UBE2D4: variants seen among roughly 807,000 people sequenced by gnomAD.
The protein encoded by UBE2D4 is ubiquitin-conjugating enzyme E2 D4.
Under a neutral mutation model 23.0 loss-of-function variants are expected in UBE2D4, and 17 were observed. That is an observed-to-expected ratio of 0.74 (90% CI 0.51 to 1.11). The LOEUF is 1.11. Ranked by LOEUF, UBE2D4 falls within the 50% of genes least tolerant of loss-of-function variation. The pLI is 0.00. For synonymous variants in UBE2D4, 61 were observed against 69.4 expected, an observed-to-expected ratio of 0.88 and a Z score of 0.60; for missense variants, 139 against 181.8, an observed-to-expected ratio of 0.76 and a Z score of 1.35.
At chr7:43,938,042 C>G (rs566381595) in intron 1 of UBE2D4, among the ~76,000 whole-genome samples, 2 of 152,232 alleles carry the variant, frequency 1.3e-5, no homozygotes, top group South Asian at 4.1e-4. Flanking sequence ...CCAGAACTCT[C>G]TCCTGGGCTG....
intron 1 of UBE2D4, among the ~76,000 whole-genome samples, chr7:43,927,836 C>T (rs1430746368): frequency 6.6e-6 from 1 of 152,216 alleles, no homozygotes; most frequent in East Asian, 1.9e-4. Flanking sequence ...GTGTTTAGCA[C>T]ATGCTTGCTG....
intron 4 of UBE2D4, among the ~76,000 whole-genome samples, chr7:43,947,737 A>T (rs766621885): frequency 1.4e-4 from 22 of 152,178 alleles, no homozygotes; most frequent in South Asian, 2.1e-4. Context: ...TGGCATTTCT[A>T]GTACTAGAGG....
intron 1 of UBE2D4, among the ~76,000 whole-genome samples, chr7:43,936,315 C>T (rs949059039): frequency 2.6e-5 from 4 of 151,800 alleles, no homozygotes; most frequent in Admixed American, 6.6e-5. Flanking sequence ...TTGGAGTTGA[C>T]GAAACACCGT....
intron 1 of UBE2D4, among the ~76,000 whole-genome samples, chr7:43,927,208 T>G (rs1166713578): frequency 6.6e-6 from 1 of 152,234 alleles, no homozygotes; most frequent in African/African-American, 2.4e-5. Flanking sequence ...CTTCAGTTTT[T>G]TTTCTATATT....
chr7:43,934,592 C>T (rs1001104311), intron 1 of UBE2D4, among the ~76,000 whole-genome samples: 4 of 151,398 alleles, frequency 2.6e-5, no homozygotes, highest in Admixed American at 6.6e-5. Context: ...GTCACACAGG[C>T]GCAGTCTTGG....
chr7:43,928,313 A>C (rs1350503802), intron 1 of UBE2D4, among the ~76,000 whole-genome samples: 1 of 152,182 alleles, frequency 6.6e-6, no homozygotes, highest in East Asian at 1.9e-4. Flanking sequence ...GGGGGGGACA[A>C]ATATCCAAAC....
chr7:43,933,096 T>C (rs2095950708), intron 1 of UBE2D4, among the ~76,000 whole-genome samples: 1 of 148,606 alleles, frequency 6.7e-6, no homozygotes, highest in Non-Finnish European at 1.5e-5. Context: ...TGTATGTGTG[T>C]ATATATATAA....
At chr7:43,936,006 C>A (rs1358212658) in intron 1 of UBE2D4, among the ~76,000 whole-genome samples, 2 of 152,176 alleles carry the variant, frequency 1.3e-5, no homozygotes, top group Non-Finnish European at 2.9e-5. Flanking sequence ...TCCTGAGTAG[C>A]TGGTTATAGG....
chr7:43,945,057 A>G (rs2095982562), intron 4 of UBE2D4: 1 of 152,136 alleles, frequency 6.6e-6, no homozygotes, highest in African/African-American at 2.4e-5. Context: ...CAGTGGCACA[A>G]TCTCAGCTCA....
At chr7:43,945,632 G>A (rs2095984475) in intron 4 of UBE2D4, among the ~76,000 whole-genome samples, 1 of 150,230 alleles carries the variant, frequency 6.7e-6, no homozygotes, top group Non-Finnish European at 1.5e-5. Flanking sequence ...TCTCATATTC[G>A]AAAGTAAGTT....
Position 43,948,736 on chromosome 7 carries a change from A to C in UBE2D4, c.303A>C (p.Lys101Asn). Reference protein sequence around the residue: ...SQWSPALTVSKVLLSICSLLC... With the variant: ...SQWSPALTVSNVLLSICSLLC... ...GGTCTCCAGCGTTGACTGTGTCAAA[A>C]GGTAGAGATGCTGATGGCATGCTCT... The change falls in exon 5 of 7, where the codon AAA becomes AAC. Residue 101 changes from lysine (K) to asparagine (N), a missense_variant and splice_region_variant. Coordinates refer to ENST00000222402, the MANE Select transcript of UBE2D4 (RefSeq NM_015983.4). 1 of 1,606,844 alleles carries C rather than the reference A, an allele frequency of 6.2e-7. No individual in the cohort carries two copies. Among genetic ancestry groups the C allele is most frequent in the Non-Finnish European group, 8.5e-7 (1 of 1,173,746 alleles).
At chr7:43,931,443 TAAAAAACA>T (rs942762203) in intron 1 of UBE2D4, among the ~76,000 whole-genome samples, 1 of 152,104 alleles carries the variant, frequency 6.6e-6, no homozygotes, top group African/African-American at 2.4e-5. Flanking sequence ...GACCGTATCT[TAAAAAACA>T]AACAAACAAA....
chr7:43,950,772 C>T (rs966184323), intron 6 of UBE2D4, 80 bp downstream of exon 6: 3 of 1,160,632 alleles, frequency 2.6e-6, no homozygotes, highest in Non-Finnish European at 3.9e-6. Flanking sequence ...TGAGCTGGTG[C>T]TTCTAGGCTG....
chr7:43,931,625 G>A (rs1030648854), intron 1 of UBE2D4, among the ~76,000 whole-genome samples: 1 of 141,850 alleles, frequency 7.0e-6, no homozygotes, highest in East Asian at 2.4e-4. Context: ...GGGCGGGGGG[G>A]GTGGCAGAGC....
In UBE2D4 at chr7:43,942,963, C is replaced by A; in HGVS notation, c.130C>A (p.Pro44Thr). The A allele has an allele frequency of 1.2e-6, 2 of 1,614,168 alleles. No individual in the cohort carries two copies. Among genetic ancestry groups the A allele is most frequent in the Non-Finnish European group, 1.7e-6 (2 of 1,180,016 alleles). Residue 44 changes from proline to threonine, a missense_variant, in exon 4 of 7, where the codon CCT (proline) becomes ACT (threonine). Coordinates refer to ENST00000222402, the MANE Select transcript of UBE2D4 (RefSeq NM_015983.4). Reference sequence around the variant, plus strand: ...TGTCTCATCCTTCCAGAATGACAGTCCTTACCAAGGAGGTGTTTTCTTCCT... The same window carrying A: ...TGTCTCATCCTTCCAGAATGACAGTACTTACCAAGGAGGTGTTTTCTTCCT... ...QATIMGPNDS[P>T]YQGGVFFLTI...
At position 43,932,984 on chromosome 7, in the gene UBE2D4, GTATATATATA is replaced by G. The variant is rs57093593; in HGVS notation, c.25-5426_25-5417del. On this transcript the variant is annotated intron_variant, in intron 1 of 6. Transcript: ENST00000222402. ...CCTCCTGGGGGCAACAAATGTTAAA[GTATATATATA>G]TATATATATATATATATATACACAC... Among the ~76,000 whole-genome samples, 250 of 85,804 alleles carry G rather than the reference GTATATATATA, an allele frequency of 2.9e-3. 8 individuals are homozygous for G. The highest frequency in any genetic ancestry group is 0.011 in the South Asian group (19 of 1,670). 56.3% of individuals were successfully genotyped at this position (85,804 alleles called of 152,430 possible).
chr7:43,933,896 A>G (rs1234869575), intron 1 of UBE2D4, among the ~76,000 whole-genome samples: 1 of 152,196 alleles, frequency 6.6e-6, no homozygotes, highest in African/African-American at 2.4e-5. Flanking sequence ...CTTAGATGTC[A>G]CTATCTGTAT....
intron 1 of UBE2D4, among the ~76,000 whole-genome samples, chr7:43,932,984 GTATATATA>G (rs57093593): frequency 0.11 from 9,861 of 85,774 alleles, 749 homozygotes; most frequent in African/African-American, 0.21. Context: ...AAATGTTAAA[GTATATATA>G]TATATATATA....
intron 4 of UBE2D4, among the ~76,000 whole-genome samples, chr7:43,947,699 C>G (rs1363784304): frequency 6.6e-6 from 1 of 152,094 alleles, no homozygotes; most frequent in African/African-American, 2.4e-5. Context: ...GGGTATGTAC[C>G]CAGTAATGGG....
Sources: allele counts gnomAD v4.1 joint callset (sites outside exome capture counted in the v4.1 genomes callset), GRCh38; gene constraint gnomAD v4.1.1; transcripts MANE v1.5; gene names NCBI Gene and HGNC (gene_info 2026-07-23, HGNC 2026-07-21).